Variants in TLL1 observed in about 807,000 individuals in gnomAD.
The protein encoded by TLL1 is tolloid like 1, also known as tolloid-like protein 1.
Under a neutral mutation model 128.2 loss-of-function variants are expected in TLL1, and 49 were observed. That is an observed-to-expected ratio of 0.38 (90% CI 0.30 to 0.48). TLL1 has a LOEUF of 0.48. Ranked by LOEUF, TLL1 falls within the 20% of genes least tolerant of loss-of-function variation. The pLI, the probability that TLL1 is intolerant of heterozygous loss-of-function variation, is 0.96. For synonymous variants in TLL1, 454 were observed against 418.8 expected, an observed-to-expected ratio of 1.08 and a Z score of -1.03; for missense variants, 1,123 against 1,242.0, an observed-to-expected ratio of 0.90 and a Z score of 1.44.
intron 1 of TLL1, among the ~76,000 whole-genome samples, chr4:165,948,549 G>A (rs1734364626): frequency 2.0e-5 from 3 of 152,112 alleles, no homozygotes; most frequent in African/African-American, 4.8e-5. Flanking sequence ...AGCTACAAGT[G>A]ATGAAGGCTT....
At chr4:165,963,546 A>G (rs1735221473) in intron 1 of TLL1, among the ~76,000 whole-genome samples, 1 of 152,154 alleles carries the variant, frequency 6.6e-6, no homozygotes. Flanking sequence ...GATATGTTGA[A>G]CTTAAATGTT....
intron 19 of TLL1, among the ~76,000 whole-genome samples, chr4:166,097,984 G>T (rs1051604940): frequency 2.0e-5 from 3 of 152,054 alleles, no homozygotes; most frequent in Non-Finnish European, 4.4e-5. Flanking sequence ...TGCTTGGATA[G>T]GTTGGTGGGG....
intron 1 of TLL1, among the ~76,000 whole-genome samples, chr4:165,969,196 T>C (rs1735526537): frequency 6.6e-6 from 1 of 152,166 alleles, no homozygotes. Flanking sequence ...CAATATTAAA[T>C]TGTATTCTAT....
rs537393488 is a variant in TLL1, at chr4:166,103,897, A to G, written c.*3021A>G. 2.6e-5 allele frequency: 4 copies of G among 151,932 alleles called. No individual in the cohort carries two copies. The highest frequency in any genetic ancestry group is 7.2e-5 in the African/African-American group (3 of 41,528). The allele number at this position is 151,932 out of a possible 1,614,324, so 9.4% of individuals were successfully genotyped here. ...TTTATTAAATTATTTTTAAAAGTCA[A>G]TTTTGAAAATAACTGTATTTTATTA... On this transcript the variant is annotated 3_prime_UTR_variant, in exon 21 of 21. Coordinates refer to ENST00000061240, the MANE Select transcript of TLL1 (RefSeq NM_012464.5).
intron 1 of TLL1, among the ~76,000 whole-genome samples, chr4:165,922,462 T>C (rs1013591121): frequency 6.6e-6 from 1 of 152,186 alleles, no homozygotes; most frequent in Admixed American, 6.5e-5. Flanking sequence ...TTTAATATAA[T>C]CATCCCTTTT....
intron 1 of TLL1, among the ~76,000 whole-genome samples, chr4:165,964,621 C>T (rs989470978): frequency 6.6e-6 from 1 of 152,170 alleles, no homozygotes; most frequent in East Asian, 1.9e-4. Context: ...ATTCAAGATA[C>T]TTTCCAAAAG....
intron 1 of TLL1, among the ~76,000 whole-genome samples, chr4:165,887,328 T>TGCATTTGCA (rs1731205693): frequency 6.6e-6 from 1 of 152,046 alleles, no homozygotes; most frequent in Non-Finnish European, 1.5e-5. Context: ...GATGAGTGCT[T>TGCATTTGCA]GCATTTGCAC....
chr4:166,048,634 G>T (rs1027716136), intron 12 of TLL1, among the ~76,000 whole-genome samples: 4 of 152,102 alleles, frequency 2.6e-5, no homozygotes, highest in African/African-American at 9.7e-5. Flanking sequence ...AGAATTTTCA[G>T]TAAGAAGAAA....
At chr4:166,076,051 T>G (rs1741008233) in intron 17 of TLL1, among the ~76,000 whole-genome samples, 1 of 151,958 alleles carries the variant, frequency 6.6e-6, no homozygotes, top group Admixed American at 6.6e-5. Flanking sequence ...TAGGCCCAGG[T>G]TTTTGTGGGT....
At chr4:166,073,826 A>G (rs1247106666) in intron 16 of TLL1, among the ~76,000 whole-genome samples, 3 of 152,188 alleles carry the variant, frequency 2.0e-5, no homozygotes, top group Admixed American at 2.0e-4. Flanking sequence ...AATAATTTCT[A>G]GGCCACCAAG....
chr4:166,056,338 G>A (rs945651285), intron 13 of TLL1, among the ~76,000 whole-genome samples: 4 of 151,840 alleles, frequency 2.6e-5, no homozygotes, highest in Middle Eastern at 3.4e-3. Context: ...GGTTATTCCT[G>A]AAGAGTGAGA....
At chr4:166,051,963 T>A (rs762407158) in intron 12 of TLL1, among the ~76,000 whole-genome samples, 2 of 152,168 alleles carry the variant, frequency 1.3e-5, no homozygotes, top group Non-Finnish European at 2.9e-5. Flanking sequence ...TCTTTGTGTA[T>A]CATATAAAAT....
chr4:166,077,846 C>G, intron 17 of TLL1, 57 bp from the exon 18 acceptor site: 7 of 1,609,614 alleles, frequency 4.3e-6, no homozygotes, highest in Non-Finnish European at 5.9e-6. Flanking sequence ...TGCTTGCTTT[C>G]TGCCTCAAAC....
intron 1 of TLL1, among the ~76,000 whole-genome samples, chr4:165,885,517 C>G (rs570709114): frequency 1.7e-4 from 26 of 152,138 alleles, no homozygotes; most frequent in African/African-American, 5.8e-4. Flanking sequence ...GACTTGTCTG[C>G]CAGAATTAGC....
intron 1 of TLL1, among the ~76,000 whole-genome samples, chr4:165,967,792 G>T (rs17047160): frequency 0.031 from 4,774 of 152,214 alleles, 264 homozygotes; most frequent in African/African-American, 0.11. Context: ...GATTCACACT[G>T]AATATTGGAT....
At chr4:165,924,915 G>T (rs114911239) in intron 1 of TLL1, among the ~76,000 whole-genome samples, 2,484 of 152,246 alleles carry the variant, frequency 0.016, 67 homozygotes, top group African/African-American at 0.056. Context: ...CCTGTGTTCT[G>T]TATATGGAAC....
At chr4:166,003,675 G>T in intron 6 of TLL1, 106 bp downstream of exon 6, 1 of 1,162,128 alleles carries the variant, frequency 8.6e-7, no homozygotes, top group Admixed American at 1.9e-5. Context: ...TGATATTTTT[G>T]ATATGATAGA....
intron 1 of TLL1, among the ~76,000 whole-genome samples, chr4:165,908,644 A>G (rs1013917222): frequency 3.9e-5 from 6 of 151,948 alleles, no homozygotes; most frequent in Non-Finnish European, 1.5e-5. Context: ...TCTGCATGGA[A>G]TTCAGGTAAA....
chr4:165,974,840 A>G (rs1223791037), intron 1 of TLL1, among the ~76,000 whole-genome samples: 1 of 152,180 alleles, frequency 6.6e-6, no homozygotes, highest in Non-Finnish European at 1.5e-5. Context: ...GCTTATGTGG[A>G]CCAGTACTGG....
Sources: allele counts gnomAD v4.1 joint callset (sites outside exome capture counted in the v4.1 genomes callset), GRCh38; gene constraint gnomAD v4.1.1; transcripts MANE v1.5; gene names NCBI Gene and HGNC (gene_info 2026-07-23, HGNC 2026-07-21).